The following AGMO variants were observed in gnomAD, a reference collection of about 807,000 sequenced individuals.
AGMO encodes alkylglycerol monooxygenase, also known as glyceryl-ether monooxygenase.
AGMO carries 75 observed loss-of-function variants against 60.2 expected under a neutral mutation model. That is an observed-to-expected ratio of 1.25 (90% CI 1.03 to 1.51). AGMO has a LOEUF of 1.51. Ranked by LOEUF, AGMO falls within the 40% of genes most tolerant of loss-of-function variation. The probability of loss-of-function intolerance (pLI) is 0.00; values close to 1 mark genes in which losing one functional copy is unlikely to be tolerated. For synonymous variants in AGMO, 261 were observed against 177.1 expected, an observed-to-expected ratio of 1.47 and a Z score of -3.76; for missense variants, 763 against 525.5, an observed-to-expected ratio of 1.45 and a Z score of -4.42.
Position 15,418,626 on chromosome 7 carries a change from T to G in AGMO, c.541A>C (p.Ile181Leu). The G allele has an allele frequency of 4.4e-6, 7 of 1,577,006 alleles. No homozygotes were observed. The highest frequency in any genetic ancestry group is 6.0e-6 in the Non-Finnish European group (7 of 1,167,278). Residue 181 changes from isoleucine to leucine, a missense_variant, in exon 5 of 13, where the codon ATA (isoleucine) becomes CTA (leucine). Physicochemically the swap from Ile to Leu is conservative, Grantham distance 5 (BLOSUM62 2). Transcript: ENST00000342526. ...WIFYSPLALF[I>L]PPSVYAVHLQ... ...TGAACAGCATATACTGAAGGGGGTA[T>G]GAAGAGGGCCAGGGGAGAGTAGAAA...
chr7:15,239,693 C>A (rs1007346240), intron 12 of AGMO, among the ~76,000 whole-genome samples: 2 of 152,048 alleles, frequency 1.3e-5, no homozygotes, highest in African/African-American at 4.8e-5. Flanking sequence ...ATTTGTAAAT[C>A]AATCAGGGCG....
chr7:15,404,673 A>G (rs1784638113), intron 5 of AGMO, among the ~76,000 whole-genome samples: 1 of 151,590 alleles, frequency 6.6e-6, no homozygotes, highest in African/African-American at 2.4e-5. Context: ...CGTGTCCAAA[A>G]CTCCAATCCA....
intron 12 of AGMO, among the ~76,000 whole-genome samples, chr7:15,354,353 TAGACGTGTGTATATAG>T (rs1782384870): frequency 5.5e-5 from 4 of 72,476 alleles, no homozygotes; most frequent in African/African-American, 2.4e-4. Context: ...CGCGTGTATA[TAGACGTGTGTATATAG>T]ACGTGTGTAT....
the AGMO span, among the ~76,000 whole-genome samples, chr7:15,143,239 T>C: frequency 6.6e-6 from 1 of 152,236 alleles, no homozygotes; most frequent in Non-Finnish European, 1.5e-5. Flanking sequence ...GTCTCTTTAG[T>C]TGACAGACTT....
intron 5 of AGMO, among the ~76,000 whole-genome samples, chr7:15,407,504 G>A (rs1440035103): frequency 6.6e-6 from 1 of 151,440 alleles, no homozygotes; most frequent in African/African-American, 2.4e-5. Flanking sequence ...AAGAGTAGAT[G>A]ACTTAAGGTG....
At chr7:15,347,614 C>CAA (rs35147127) in intron 12 of AGMO, among the ~76,000 whole-genome samples, 16,320 of 151,442 alleles carry the variant, frequency 0.11, 986 homozygotes, top group Admixed American at 0.19. Context: ...ACTGATTTCC[C>CAA]AAAAAAAATG....
At chr7:15,522,670 C>T (rs1180895538) in intron 3 of AGMO, among the ~76,000 whole-genome samples, 4 of 152,236 alleles carry the variant, frequency 2.6e-5, no homozygotes, top group Middle Eastern at 3.4e-3. Flanking sequence ...CGGACCCCTT[C>T]CTTACACCTT....
At chr7:15,231,364 C>T (rs1447150834) in intron 12 of AGMO, among the ~76,000 whole-genome samples, 2 of 152,138 alleles carry the variant, frequency 1.3e-5, no homozygotes, top group Non-Finnish European at 2.9e-5. Flanking sequence ...CTCACTTCCC[C>T]AGCAGTGAGT....
intron 12 of AGMO, among the ~76,000 whole-genome samples, chr7:15,288,014 T>TAA (rs1784148722): frequency 2.0e-5 from 3 of 151,920 alleles, no homozygotes; most frequent in Non-Finnish European, 2.9e-5. Flanking sequence ...TTTTGAAAAA[T>TAA]AACAATAATT....
At chr7:15,394,664 G>T (rs970582714) in intron 5 of AGMO, among the ~76,000 whole-genome samples, 1 of 152,118 alleles carries the variant, frequency 6.6e-6, no homozygotes, top group Non-Finnish European at 1.5e-5. Context: ...CGGGAGCAGG[G>T]TATAACTAGG....
Position 15,377,937 on chromosome 7 carries a change from G to T in AGMO, c.1074+7509C>A, listed in dbSNP as rs114615781. ...AGTTATAAAAGCTTTGGTCCAAAAA[G>T]AAATTCTTGGTTTCAAATTTTGTCA... is the stretch of plus-strand genomic sequence containing the variant. On this transcript the variant is annotated intron_variant, in intron 10 of 12. Coordinates refer to ENST00000342526, the MANE Select transcript of AGMO (RefSeq NM_001004320.2). Among the ~76,000 whole-genome samples, 1,364 of 152,122 alleles carry T rather than the reference G, an allele frequency of 9.0e-3. 20 individuals are homozygous for T. The highest frequency in any genetic ancestry group is 0.032 in the African/African-American group (1,309 of 41,496).
At chr7:15,342,788 A>AC (rs1781900108) in intron 12 of AGMO, among the ~76,000 whole-genome samples, 2 of 146,696 alleles carry the variant, frequency 1.4e-5, no homozygotes, top group African/African-American at 5.3e-5. Flanking sequence ...GCAAAAAAAA[A>AC]AAAAAAAAAA....
chr7:15,141,848 G>A, the AGMO span, among the ~76,000 whole-genome samples: 192 of 151,828 alleles, frequency 1.3e-3, no homozygotes, highest in African/African-American at 4.5e-3. Context: ...TTCTTTTTTG[G>A]TAAATGCCTA....
At chr7:15,484,973 A>G (rs1357291946) in intron 3 of AGMO, among the ~76,000 whole-genome samples, 4 of 152,116 alleles carry the variant, frequency 2.6e-5, no homozygotes, top group Admixed American at 2.0e-4. Flanking sequence ...GGAAGAAGTA[A>G]ATGAGGTAGG....
intron 2 of AGMO, among the ~76,000 whole-genome samples, chr7:15,553,584 T>C (rs1785039560): frequency 6.6e-6 from 1 of 151,868 alleles, no homozygotes; most frequent in South Asian, 2.1e-4. Context: ...ATTCCCTCAG[T>C]TTAATACCTT....
chr7:15,410,009 T>G (rs1168954009), intron 5 of AGMO, among the ~76,000 whole-genome samples: 3 of 151,400 alleles, frequency 2.0e-5, no homozygotes, highest in Non-Finnish European at 4.4e-5. Flanking sequence ...AAATAATAAA[T>G]AAATAAATAG....
chr7:15,128,621 G>T, the AGMO span, among the ~76,000 whole-genome samples: 1 of 151,874 alleles, frequency 6.6e-6, no homozygotes, highest in Non-Finnish European at 1.5e-5. Flanking sequence ...TAAAGTAAAA[G>T]TATATAAGTA....
the AGMO span, among the ~76,000 whole-genome samples, chr7:15,136,764 T>C: frequency 6.6e-6 from 1 of 152,000 alleles, no homozygotes; most frequent in Non-Finnish European, 1.5e-5. Context: ...TGTGTGTGTG[T>C]GCACGCGTGC....
chr7:15,554,266 T>C (rs906473245), intron 2 of AGMO, among the ~76,000 whole-genome samples: 1 of 152,048 alleles, frequency 6.6e-6, no homozygotes, highest in African/African-American at 2.4e-5. Context: ...GAATTTAAAC[T>C]GTCTAAACTC....
Sources: allele counts gnomAD v4.1 joint callset (sites outside exome capture counted in the v4.1 genomes callset), GRCh38; gene constraint gnomAD v4.1.1; transcripts MANE v1.5; gene names NCBI Gene and HGNC (gene_info 2026-07-23, HGNC 2026-07-21).